The following TECPR1 variants were observed in gnomAD, a reference collection of about 807,000 sequenced individuals.
TECPR1 encodes tectonin beta-propeller repeat containing 1.
Under a neutral mutation model 162.4 loss-of-function variants are expected in TECPR1, and 122 were observed. The observed-to-expected ratio is 0.75, with a 90% CI of 0.65 to 0.87. The LOEUF (loss-of-function observed/expected upper bound fraction) is 0.87, where lower values mean the gene tolerates loss of function less well. Among genes scored for constraint, TECPR1 ranks in the 40% least tolerant of loss-of-function variants. TECPR1 has a pLI of 0.00. For synonymous variants in TECPR1, 642 were observed against 670.6 expected (o/e 0.96, Z 0.66); for missense variants, 1,432 against 1,618.2 (o/e 0.88, Z 1.97).
At chr7:98,229,966 CA>C (rs1798379472) in intron 15 of TECPR1, among the ~76,000 whole-genome samples, 1 of 141,552 alleles carries the variant, frequency 7.1e-6, no homozygotes, top group African/African-American at 2.6e-5. Flanking sequence ...ATCCCCCCCC[CA>C]GGGAACCTCA....
At chr7:98,245,477 G>A (rs754592133) in intron 3 of TECPR1, among the ~76,000 whole-genome samples, 30 of 152,056 alleles carry the variant, frequency 2.0e-4, no homozygotes, top group Non-Finnish European at 2.6e-4. Flanking sequence ...TTTTTTGGAG[G>A]GGCGGGGTGC....
chr7:98,223,750 A>C, intron 19 of TECPR1, 32 bp from the exon 20 acceptor site: 1 of 1,612,320 alleles, frequency 6.2e-7, no homozygotes, highest in Non-Finnish European at 8.5e-7. Context: ...AATCAGGGCC[A>C]CTTCGTGGAA....
At chr7:98,242,976 ACCCATCCATCCATCCACCCACCCATC>A (rs1562943899) in intron 6 of TECPR1, among the ~76,000 whole-genome samples, 2 of 8,342 alleles carry the variant, frequency 2.4e-4, no homozygotes, top group African/African-American at 2.0e-4. Flanking sequence ...ATCCACCCAC[ACCCATCCATCCATCCACCCACCCATC>A]CACCCATCCA....
chr7:98,241,153 C>T lies in TECPR1; in HGVS notation c.749G>A (p.Cys250Tyr). ...GGCCCACAGGAGGTCGTGGGGCCCA[C>T]AGCTGATCTGAACCACCTCCCCGGG... ...DTPGEVVQIS[C>Y]GPHDLLWATL... Residue 250 changes from cysteine (C) to tyrosine (Y), a missense_variant, in exon 7 of 26, where the codon TGT becomes TAT. Physicochemically the swap from Cys to Tyr is radical, Grantham distance 194. Transcript: ENST00000447648. This position sits in a 1 kb window ranked among gnomAD's most constrained non-coding sequence, Gnocchi z 5.0. 6.2e-7 allele frequency: 1 copy of T among 1,612,942 alleles called. No homozygotes were observed. The highest frequency in any genetic ancestry group is 8.5e-7 in the Non-Finnish European group (1 of 1,179,846).
rs1356954604 is a variant in TECPR1, at chr7:98,215,900, G to A, written c.*1490C>T. ...TGCCCGCGGGAGGGGCCCCAGGGAG[G>A]CCTTTCTCAGCATCAGCTTTTGGGT... On this transcript the variant is annotated 3_prime_UTR_variant, in exon 26 of 26. Coordinates refer to ENST00000447648, the MANE Select transcript of TECPR1 (RefSeq NM_015395.3). 1 of 152,220 alleles carries A rather than the reference G, an allele frequency of 6.6e-6. No homozygotes were observed. The highest frequency in any genetic ancestry group is 6.5e-5 in the Admixed American group (1 of 15,278). 9.4% of individuals were successfully genotyped at this position (152,220 alleles called of 1,614,324 possible).
chr7:98,244,579 A>T lies in TECPR1; in HGVS notation c.523T>A (p.Trp175Arg). Residue 175 changes from tryptophan (W) to arginine (R), a missense_variant, in exon 5 of 26, where the codon TGG becomes AGG. Transcript: ENST00000447648. ...RYRRYKSRDI[W>R]AKIPSKDDPK... ...CATTCAGGAACAGAGACCTTGGCCC[A>T]GATGTCCCGGGACTTGTATCTCCTG... is the stretch of plus-strand genomic sequence containing the variant. The T allele has an allele frequency of 6.2e-7, 1 of 1,607,894 alleles. No individual in the cohort carries two copies. Among genetic ancestry groups the T allele is most frequent in the Non-Finnish European group, 8.5e-7 (1 of 1,175,952 alleles).
rs1799080474 is a variant in TECPR1 at position 98,252,178 on chromosome 7, G to GGAGGAGCGGACCGGCCCTCCC, written c.-248_-228dup. 1 of 152,532 alleles carries GGAGGAGCGGACCGGCCCTCCC rather than the reference G, an allele frequency of 6.6e-6. No homozygotes were observed. The highest frequency in any genetic ancestry group is 2.4e-5 in the African/African-American group (1 of 41,472). 9.4% of individuals were successfully genotyped at this position (152,532 alleles called of 1,614,324 possible). On this transcript the variant is annotated 5_prime_UTR_variant, in exon 1 of 26. Coordinates refer to ENST00000447648, the MANE Select transcript of TECPR1 (RefSeq NM_015395.3). ...CGCGGTGGTAGGTCCTCGGCGTCCGGGAGGAGCGGACCGGCCCTCCCGGGG... is the reference window on the plus strand; with the variant it reads ...CGCGGTGGTAGGTCCTCGGCGTCCGGGAGGAGCGGACCGGCCCTCCCGAGGAGCGGACCGGCCCTCCCGGGG...
chr7:98,223,565 CAGG>C (rs1387214011), intron 20 of TECPR1, 94 bp downstream of exon 20: 190 of 1,341,900 alleles, frequency 1.4e-4, no homozygotes, highest in Non-Finnish European at 1.9e-4. Flanking sequence ...GGTCAGAGGC[CAGG>C]AGATCTGGCC....
At chr7:98,237,964 G>A (rs1220030157) in intron 9 of TECPR1, among the ~76,000 whole-genome samples, 2 of 152,008 alleles carry the variant, frequency 1.3e-5, no homozygotes, top group Non-Finnish European at 2.9e-5. Flanking sequence ...TAGAGATGGG[G>A]TCTCACTATA....
chr7:98,224,751 C>T, intron 19 of TECPR1, 50 bp downstream of exon 19: 1 of 1,495,370 alleles, frequency 6.7e-7, no homozygotes, highest in East Asian at 2.4e-5. Context: ...CACTCCAGGG[C>T]CCTGACATTC....
chr7:98,245,493 G>A (rs983997933), intron 3 of TECPR1, among the ~76,000 whole-genome samples: 1 of 152,174 alleles, frequency 6.6e-6, no homozygotes, highest in Admixed American at 6.5e-5. Context: ...GGTGCAGGGG[G>A]ACAGGGTCTT....
At chr7:98,228,268 G>A (rs1179912990) in intron 16 of TECPR1, among the ~76,000 whole-genome samples, 152 bp from the exon 17 acceptor site, 3 of 152,172 alleles carry the variant, frequency 2.0e-5, no homozygotes, top group African/African-American at 4.8e-5. Context: ...TGAGCTTATC[G>A]CACGGGGGTC....
At position 98,227,443 on chromosome 7, in the gene TECPR1, A is replaced by C. The variant is rs947424050; in HGVS notation, c.2513+571T>G. 3.3e-5 allele frequency among the ~76,000 whole-genome samples: 5 copies of C among 151,954 alleles called. No individual in the cohort carries two copies. In the East Asian group the frequency reaches 5.8e-4, roughly 18 times the overall value. ...AAAAGTACAAACCTCTCTTTCTTCT[A>C]TCTCTGGTGCTTGAATCAGGAACAG... On this transcript the variant is annotated intron_variant, in intron 17 of 25. Transcript: ENST00000447648.
In TECPR1 at chr7:98,231,951, C is replaced by A. The variant is rs765230279; in HGVS notation, c.1827G>T (p.Trp609Cys). 1 of 1,604,310 alleles carries A rather than the reference C, an allele frequency of 6.2e-7. No homozygotes were observed. Among genetic ancestry groups the A allele is most frequent in the Non-Finnish European group, 8.5e-7 (1 of 1,179,358 alleles). The change falls in exon 13 of 26, where the codon TGG becomes TGT. Residue 609 changes from tryptophan to cysteine, a missense_variant. By Grantham distance (215) the Trp-to-Cys change is radical (BLOSUM62 -2). Coordinates refer to ENST00000447648, the MANE Select transcript of TECPR1 (RefSeq NM_015395.3). Reference sequence around the variant, plus strand: ...ACCACTGCAGCGCCCCGGTCTTCACCCACACCGACTGCGCAGGCCGGGGCA... The same window carrying A: ...ACCACTGCAGCGCCCCGGTCTTCACACACACCGACTGCGCAGGCCGGGGCA... ...HYEQAVEQSV[W>C]VKTGALQWWC...
chr7:98,242,558 CCA>C (rs1798778372), intron 6 of TECPR1, among the ~76,000 whole-genome samples: 2 of 148,794 alleles, frequency 1.3e-5, no homozygotes, highest in African/African-American at 2.5e-5. Flanking sequence ...ATCCATCCAT[CCA>C]CACACCCACC....
rs112359285 is a variant in TECPR1, at chr7:98,224,039, G to A, written c.2691-321C>T. On this transcript the variant is annotated intron_variant, in intron 19 of 25. Coordinates refer to ENST00000447648, the MANE Select transcript of TECPR1 (RefSeq NM_015395.3). ...GCTGGAGCGGAGCAGTCACTTGTCA[G>A]GGGTCAGGCTAAGGGGACTCAGCCC... 8.9e-3 allele frequency among the ~76,000 whole-genome samples: 1,357 copies of A among 152,236 alleles called. 10 individuals are homozygous for A. The highest frequency in any genetic ancestry group is 0.018 in the South Asian group (88 of 4,822).
chr7:98,226,359 TG>T, intron 17 of TECPR1: 1 of 760,594 alleles, frequency 1.3e-6, no homozygotes, highest in Non-Finnish European at 1.6e-6. Flanking sequence ...ATCCTTTAAA[TG>T]GTTCCATAGG....
At position 98,238,853 on chromosome 7, in the gene TECPR1, C is replaced by T. The variant is rs1410606533; in HGVS notation, c.934-243G>A. 2.0e-5 allele frequency among the ~76,000 whole-genome samples: 3 copies of T among 152,208 alleles called. 1 individual carries two copies. The highest frequency in any genetic ancestry group is 4.4e-5 in the Non-Finnish European group (3 of 68,038). ...GGGCTGAGGGTCCTCTGGCCTCAGC[C>T]ACATGTGTCCTGGCAGCTTCCTGCC... On this transcript the variant is annotated intron_variant, in intron 8 of 25. Coordinates refer to ENST00000447648, the MANE Select transcript of TECPR1 (RefSeq NM_015395.3).
intron 9 of TECPR1, among the ~76,000 whole-genome samples, chr7:98,238,058 C>A (rs138671472): frequency 2.0e-5 from 3 of 152,176 alleles, no homozygotes; most frequent in Non-Finnish European, 2.9e-5. Flanking sequence ...CAAGTGTGAG[C>A]CACCACACCT....
Sources: allele counts gnomAD v4.1 joint callset (sites outside exome capture counted in the v4.1 genomes callset), GRCh38; gene constraint gnomAD v4.1.1; non-coding constraint Gnocchi (gnomAD v3.1); transcripts MANE v1.5; gene names NCBI Gene and HGNC (gene_info 2026-07-23, HGNC 2026-07-21).